KDM3A: variants seen among roughly 807,000 people sequenced by gnomAD.
The protein encoded by KDM3A is lysine-specific demethylase 3A.
In KDM3A, 60 loss-of-function variants were observed where a neutral mutation model predicts 158.0. That is an observed-to-expected ratio of 0.38 (90% CI 0.31 to 0.47). The LOEUF is 0.47. Ranked by LOEUF, KDM3A falls within the 20% of genes least tolerant of loss-of-function variation. The pLI, the probability that KDM3A is intolerant of heterozygous loss-of-function variation, is 0.99. For missense variants in KDM3A, 1,319 were observed against 1,574.3 expected (o/e 0.84, Z 2.74); for synonymous variants, 608 against 549.3 (o/e 1.11, Z -1.49).
chr2:86,474,742 T>TGTGTGTAAAAAAA, intron 11 of KDM3A, 34 bp from the exon 12 acceptor site: 2 of 1,083,108 alleles, frequency 1.8e-6, no homozygotes, highest in Non-Finnish European at 2.8e-6. Flanking sequence ...TGTGTGTGTG[T>TGTGTGTAAAAAAA]ACATTACATC....
At chr2:86,466,120 TA>T (rs1673134746) in intron 9 of KDM3A, among the ~76,000 whole-genome samples, 1 of 152,150 alleles carries the variant, frequency 6.6e-6, no homozygotes, top group Non-Finnish European at 1.5e-5. Flanking sequence ...CGTAAGAAGT[TA>T]AAGATTTCTG....
upstream of KDM3A, among the ~76,000 whole-genome samples, chr2:86,437,357 G>T (rs1682509070): frequency 6.6e-6 from 1 of 152,020 alleles, no homozygotes; most frequent in East Asian, 1.9e-4. Context: ...GGCCAGGCTG[G>T]TCTCAAACTC....
At chr2:86,491,944 G>A in intron 25 of KDM3A, 95 bp from the exon 26 acceptor site, 1 of 782,636 alleles carries the variant, frequency 1.3e-6, no homozygotes, top group South Asian at 1.8e-5. Context: ...TAAATTCTGA[G>A]AGAAGGTAAT....
Position 86,491,783 on chromosome 2 carries a change from C to T in KDM3A, c.3886-256C>T, listed in dbSNP as rs550048970. 1.3e-5 allele frequency: 6 copies of T among 467,328 alleles called. No homozygotes were observed. The East Asian group carries it at 2.1e-4, about 17-fold the overall frequency. 28.9% of individuals were successfully genotyped at this position (467,328 alleles called of 1,614,324 possible). A position where few individuals can be genotyped will look rare whatever the true frequency, so the allele number is the denominator to read the frequency against. ...ACCTTGGAACTTGCCTCTCCCTGTACTCACTGTGAGTAGGTCTACGTGGTA... is the reference window on the plus strand; with the variant it reads ...ACCTTGGAACTTGCCTCTCCCTGTATTCACTGTGAGTAGGTCTACGTGGTA... On this transcript the variant is annotated intron_variant, in intron 25 of 25. Transcript: ENST00000312912.
intron 8 of KDM3A, among the ~76,000 whole-genome samples, chr2:86,461,925 A>G (rs1218762481): frequency 1.3e-5 from 2 of 152,164 alleles, no homozygotes; most frequent in Admixed American, 1.3e-4. Context: ...AGGAGTGGTA[A>G]GGAGACTGGA....
intron 25 of KDM3A, 174 bp from the exon 26 acceptor site, chr2:86,491,865 G>A (rs1674472311): frequency 1.7e-6 from 1 of 588,440 alleles, no homozygotes; most frequent in Non-Finnish European, 3.0e-6. Flanking sequence ...TAAAATGTAT[G>A]TGAAATACTG....
intron 4 of KDM3A, among the ~76,000 whole-genome samples, chr2:86,453,060 A>G (rs1273704180): frequency 1.2e-4 from 19 of 152,144 alleles, no homozygotes; most frequent in Admixed American, 1.2e-3. Flanking sequence ...TGTTTTCTGA[A>G]TTTACATCTT....
At chr2:86,472,806 T>G (rs1199227673) in intron 11 of KDM3A, among the ~76,000 whole-genome samples, 1 of 152,216 alleles carries the variant, frequency 6.6e-6, no homozygotes, top group Admixed American at 6.5e-5. Flanking sequence ...CTCTGCAAGT[T>G]CTTCCTGATT....
chr2:86,472,839 TTAGTC>T (rs1200419933), intron 11 of KDM3A, among the ~76,000 whole-genome samples: 1 of 152,214 alleles, frequency 6.6e-6, no homozygotes, highest in African/African-American at 2.4e-5. Flanking sequence ...AATAAACCCT[TTAGTC>T]TAATTAGTCT....
chr2:86,480,792 A>G (rs150202039), intron 16 of KDM3A, among the ~76,000 whole-genome samples: 3 of 152,242 alleles, frequency 2.0e-5, no homozygotes, highest in Non-Finnish European at 4.4e-5. Flanking sequence ...GAAAAAAATA[A>G]TTTGAAAAGC....
intron 8 of KDM3A, among the ~76,000 whole-genome samples, chr2:86,462,659 A>G (rs956021868): frequency 2.6e-5 from 4 of 152,242 alleles, no homozygotes; most frequent in South Asian, 2.1e-4. Flanking sequence ...AACTATGCCA[A>G]AACTTTGCCA....
chr2:86,438,935 A>G (rs1201692449), upstream of KDM3A, among the ~76,000 whole-genome samples: 1 of 152,064 alleles, frequency 6.6e-6, no homozygotes, highest in Non-Finnish European at 1.5e-5. Flanking sequence ...TTTCCAATAT[A>G]TGCATTACAT....
At chr2:86,484,708 C>T in intron 19 of KDM3A, 6 of 445,536 alleles carry the variant, frequency 1.3e-5, no homozygotes, top group Middle Eastern at 1.2e-3. Flanking sequence ...CTGCACCTTG[C>T]TGCCTCCTGG....
chr2:86,484,789 A>G, intron 19 of KDM3A, 153 bp from the exon 20 acceptor site: 1 of 538,458 alleles, frequency 1.9e-6, no homozygotes, highest in African/African-American at 1.9e-5. Context: ...AATTAAGGAA[A>G]AGTAATATTT....
At chr2:86,461,783 A>G (rs1368114989) in intron 8 of KDM3A, among the ~76,000 whole-genome samples, 2 of 152,222 alleles carry the variant, frequency 1.3e-5, no homozygotes, top group East Asian at 3.8e-4. Context: ...AAAACGATGT[A>G]GCCAGAGAGA....
At chr2:86,471,943 A>G (rs1477133012) in intron 11 of KDM3A, among the ~76,000 whole-genome samples, 1 of 152,156 alleles carries the variant, frequency 6.6e-6, no homozygotes, top group Non-Finnish European at 1.5e-5. Context: ...GTGTGTTACA[A>G]TGCATATTCA....
At chr2:86,456,597 A>T (rs904960105) in intron 6 of KDM3A, 31 bp downstream of exon 6, 30 of 1,588,588 alleles carry the variant, frequency 1.9e-5, no homozygotes, top group Non-Finnish European at 2.5e-5. Flanking sequence ...TTGTAAGATA[A>T]CTCGACAAAG....
At chr2:86,485,651 G>A (rs1367981131) in intron 20 of KDM3A, 78 bp from the exon 21 acceptor site, 4 of 1,531,434 alleles carry the variant, frequency 2.6e-6, no homozygotes, top group Non-Finnish European at 3.6e-6. Context: ...TTTTGGTGTA[G>A]AAGGAACAAA....
chr2:86,466,776 A>G lies in KDM3A; in HGVS notation c.1412A>G (p.Lys471Arg). ...AGCCCTAATAACTGTTCAGGAAAAA[A>G]GGTAGAACCTTCAGCTTTAGCTTGC... ...SDSPNNCSGK[K>R]VEPSALACRS... Residue 471 changes from lysine to arginine, a missense_variant, in exon 10 of 26, where the codon AAG becomes AGG. Transcript: ENST00000312912. The G allele has an allele frequency of 6.2e-7, 1 of 1,613,776 alleles. No individual in the cohort carries two copies. The highest frequency in any genetic ancestry group is 1.1e-5 in the South Asian group (1 of 91,058).
Sources: gnomAD v4.1 joint callset for allele counts (sites outside exome capture counted in the v4.1 genomes callset) on GRCh38, gnomAD v4.1.1 for gene constraint, MANE v1.5 for transcripts, NCBI Gene and HGNC (gene_info 2026-07-23, HGNC 2026-07-21) for gene names.